Variants in ADGRV1 observed in about 807,000 individuals in gnomAD.
The protein encoded by ADGRV1 is adhesion G protein-coupled receptor V1.
ADGRV1 carries 359 observed loss-of-function variants against 596.2 expected under a neutral mutation model. That is an observed-to-expected ratio of 0.60 (90% CI 0.55 to 0.66). The LOEUF is 0.66. Ranked by LOEUF, ADGRV1 falls within the 30% of genes least tolerant of loss-of-function variation. ADGRV1 has a pLI of 0.00. For missense variants in ADGRV1, 7,274 were observed against 7,575.6 expected (o/e 0.96, Z 1.48); for synonymous variants, 2,681 against 2,679.2 (o/e 1.00, Z -0.02).
At chr5:90,777,173 A>C (rs1010255116) in intron 61 of ADGRV1, among the ~76,000 whole-genome samples, 7 of 152,072 alleles carry the variant, frequency 4.6e-5, no homozygotes, top group African/African-American at 1.7e-4. Context: ...GACGTGTCCT[A>C]CCTGGCTGGA....
At chr5:90,688,754 C>G (rs1324652058) in intron 29 of ADGRV1, among the ~76,000 whole-genome samples, 2 of 152,118 alleles carry the variant, frequency 1.3e-5, no homozygotes, top group Non-Finnish European at 2.9e-5. Flanking sequence ...CTGAGGAAAA[C>G]ACTGGTTTTC....
chr5:90,721,525 A>AAAATTAAAATTAAAATT, intron 45 of ADGRV1, among the ~76,000 whole-genome samples: 1 of 80,700 alleles, frequency 1.2e-5, no homozygotes. Flanking sequence ...AAAATAAAAT[A>AAAATTAAAATTAAAATT]AAAATAAAAA....
chr5:90,798,954 A>C (rs1033919634), intron 70 of ADGRV1, among the ~76,000 whole-genome samples: 2 of 152,180 alleles, frequency 1.3e-5, no homozygotes, highest in Non-Finnish European at 2.9e-5. Flanking sequence ...TTTATGACAA[A>C]CCCACAACCA....
intron 1 of ADGRV1, among the ~76,000 whole-genome samples, chr5:90,592,418 G>A (rs571334887): frequency 2.2e-4 from 34 of 152,258 alleles, no homozygotes; most frequent in East Asian, 1.3e-3. Flanking sequence ...CTATGAGGAC[G>A]AAAAGGCATA....
chr5:90,734,351 A>G (rs987915072), intron 50 of ADGRV1, among the ~76,000 whole-genome samples: 2 of 152,150 alleles, frequency 1.3e-5, no homozygotes, highest in Admixed American at 1.3e-4. Context: ...ATTTTCCACA[A>G]CATCTTACTA....
chr5:90,810,932 A>G lies in ADGRV1; in HGVS notation c.15672A>G (p.Pro5224=), dbSNP rs766472118. 1 of 1,614,044 alleles carries G rather than the reference A, an allele frequency of 6.2e-7. No homozygotes were observed. Among genetic ancestry groups the G allele is most frequent in the Non-Finnish European group, 8.5e-7 (1 of 1,179,902 alleles). ...TTCATGGAACATTCAGCCTTGGGCC[A>G]TCCATTGTTTATATTGAAGAGGAGA... The part of the protein sequence containing the change: ...VSIHGTFSLG[P]SIVYIEEEMK... The change falls in exon 74 of 90, where the codon CCA becomes CCG. Residue 5224 remains proline, a synonymous_variant. Coordinates refer to ENST00000405460, the MANE Select transcript of ADGRV1 (RefSeq NM_032119.4).
chr5:91,061,840 C>T (rs1241402482), intron 85 of ADGRV1, among the ~76,000 whole-genome samples: 2 of 152,230 alleles, frequency 1.3e-5, no homozygotes, highest in Non-Finnish European at 2.9e-5. Flanking sequence ...TCCTGTGCAT[C>T]TTCAAGAGCA....
At chr5:90,775,207 G>A (rs535096858) in intron 60 of ADGRV1, among the ~76,000 whole-genome samples, 4 of 152,264 alleles carry the variant, frequency 2.6e-5, no homozygotes, top group African/African-American at 9.6e-5. Context: ...GTGACTAAAA[G>A]CAGATTTAAT....
chr5:90,785,408 A>T (rs540817210), intron 67 of ADGRV1, among the ~76,000 whole-genome samples: 10 of 152,358 alleles, frequency 6.6e-5, no homozygotes, highest in African/African-American at 2.4e-4. Flanking sequence ...GACAAATGGG[A>T]TCTAATTAAA....
intron 1 of ADGRV1, among the ~76,000 whole-genome samples, chr5:90,612,338 G>C (rs1762819994): frequency 6.6e-6 from 1 of 151,992 alleles, no homozygotes; most frequent in Non-Finnish European, 1.5e-5. Flanking sequence ...GAGAGTTTTG[G>C]TTATTGTGCA....
At chr5:91,031,070 T>C in intron 85 of ADGRV1, 1 of 1,480,532 alleles carries the variant, frequency 6.8e-7, no homozygotes, top group Non-Finnish European at 9.2e-7. Context: ...GCCAATCATA[T>C]AGGGATGATA....
intron 85 of ADGRV1, among the ~76,000 whole-genome samples, chr5:90,990,109 C>T (rs1339860429): frequency 5.3e-5 from 8 of 152,174 alleles, no homozygotes; most frequent in African/African-American, 1.4e-4. Context: ...TGAGCCACTG[C>T]GCCCAGCCAT....
At position 90,807,589 on chromosome 5, in the gene ADGRV1, T is replaced by C; in HGVS notation, c.14837-13T>C. 1 of 1,605,314 alleles carries C rather than the reference T, an allele frequency of 6.2e-7. No homozygotes were observed. Among genetic ancestry groups the C allele is most frequent in the Non-Finnish European group, 8.5e-7 (1 of 1,174,696 alleles). On this transcript the variant is annotated splice_polypyrimidine_tract_variant and intron_variant, in intron 72 of 89. Transcript: ENST00000405460. ...AATAATACCCTACTTTGCTTTTTCA[T>C]GTTTTCTTTCAGGGAGCCTTTCATT...
At chr5:90,813,633 C>T (rs909298829) in intron 74 of ADGRV1, among the ~76,000 whole-genome samples, 4 of 152,166 alleles carry the variant, frequency 2.6e-5, no homozygotes, top group African/African-American at 9.7e-5. Flanking sequence ...CCATAGCTAC[C>T]ACTAATGTCG....
chr5:91,116,526 T>A (rs1012821683), intron 87 of ADGRV1, among the ~76,000 whole-genome samples: 3 of 152,202 alleles, frequency 2.0e-5, no homozygotes, highest in African/African-American at 7.2e-5. Flanking sequence ...ACATAGTGTA[T>A]CATTGAAATC....
chr5:90,568,427 T>C (rs1377905756), intron 1 of ADGRV1, among the ~76,000 whole-genome samples: 1 of 152,174 alleles, frequency 6.6e-6, no homozygotes, highest in African/African-American at 2.4e-5. Flanking sequence ...CATTTTGCAC[T>C]TTTTTCTGTT....
chr5:90,694,534 G>T lies in ADGRV1; in HGVS notation c.7778G>T (p.Gly2593Val), dbSNP rs775043369. Reference protein sequence around the residue: ...YNISPNTSEDGLFVEVQEQPQ... With the variant: ...YNISPNTSEDVLFVEVQEQPQ... ...ATTAGTCCCAATACTTCCGAAGATGGCTTATTTGTTGAAGTTCAGGAGCAG... is the reference window on the plus strand; with the variant it reads ...ATTAGTCCCAATACTTCCGAAGATGTCTTATTTGTTGAAGTTCAGGAGCAG... Residue 2593 changes from glycine to valine, a missense_variant, in exon 33 of 90, where the codon GGC becomes GTC. Around this residue, in one of 5 missense-constraint regions of ADGRV1, gnomAD observed 3,643 missense variants for 3,809.2 expected, o/e 0.96. Transcript: ENST00000405460. 14 of 1,613,760 alleles carry T rather than the reference G, an allele frequency of 8.7e-6. No individual in the cohort carries two copies. In the Admixed American group the frequency reaches 2.3e-4, roughly 27 times the overall value.
chr5:91,030,361 C>A (rs1196223368), intron 85 of ADGRV1, among the ~76,000 whole-genome samples: 2 of 151,898 alleles, frequency 1.3e-5, no homozygotes, highest in African/African-American at 4.8e-5. Context: ...ATTTTGGTAT[C>A]TAAATTATGA....
In ADGRV1 at chr5:90,676,046, T is replaced by G. The variant is rs764349608; in HGVS notation, c.5314-34T>G. The G allele has an allele frequency of 5.2e-6, 8 of 1,549,238 alleles. No individual in the cohort carries two copies. The Admixed American group carries it at 1.5e-4, about 28-fold the overall frequency. On this transcript the variant is annotated intron_variant, in intron 24 of 89. Coordinates refer to ENST00000405460, the MANE Select transcript of ADGRV1 (RefSeq NM_032119.4). ...TGTAATCTATTCATATACAGAATGATTGTAATCTAATGGATCAGTCTTTTA... is the reference window on the plus strand; with the variant it reads ...TGTAATCTATTCATATACAGAATGAGTGTAATCTAATGGATCAGTCTTTTA...
Sources: allele counts gnomAD v4.1 joint callset (sites outside exome capture counted in the v4.1 genomes callset), GRCh38; gene constraint gnomAD v4.1.1; regional missense constraint gnomAD v4.1.1; transcripts MANE v1.5; gene names NCBI Gene and HGNC (gene_info 2026-07-23, HGNC 2026-07-21).